Variants in AKAP6 observed in about 807,000 individuals in gnomAD.
The protein encoded by AKAP6 is A-kinase anchor protein 6.
Under a neutral mutation model 188.5 loss-of-function variants are expected in AKAP6, and 58 were observed. The ratio of observed to expected loss-of-function variants is 0.31; its 90% CI spans 0.25 to 0.38. The LOEUF (loss-of-function observed/expected upper bound fraction) is 0.38, where lower values mean the gene tolerates loss of function less well. AKAP6 is among the 10% of genes least tolerant of loss of function. AKAP6 has a pLI of 1.00. For synonymous variants in AKAP6, 989 were observed against 998.6 expected (o/e 0.99, Z 0.18); for missense variants, 2,710 against 2,740.0 (o/e 0.99, Z 0.24).
intron 9 of AKAP6, among the ~76,000 whole-genome samples, chr14:32,700,717 T>A (rs1890587456): frequency 6.6e-6 from 1 of 152,190 alleles, no homozygotes; most frequent in Admixed American, 6.5e-5. Flanking sequence ...CCAAGATGTG[T>A]AATAGTCTCT....
intron 1 of AKAP6, among the ~76,000 whole-genome samples, chr14:32,340,239 T>C (rs1033497651): frequency 5.9e-5 from 9 of 152,042 alleles, no homozygotes; most frequent in African/African-American, 2.2e-4. Context: ...ATAAAACATA[T>C]TTAATATACT....
At chr14:32,645,438 A>G (rs1270204698) in intron 7 of AKAP6, among the ~76,000 whole-genome samples, 1 of 152,080 alleles carries the variant, frequency 6.6e-6, no homozygotes, top group Non-Finnish European at 1.5e-5. Flanking sequence ...TTATGTTTCT[A>G]TTTTTTAAAT....
chr14:32,353,377 C>A (rs186266181), intron 1 of AKAP6, among the ~76,000 whole-genome samples: 1 of 152,052 alleles, frequency 6.6e-6, no homozygotes, highest in Non-Finnish European at 1.5e-5. Flanking sequence ...CTGGCTAACA[C>A]GGTGAAACCC....
At chr14:32,387,853 T>C (rs1221434969) in intron 1 of AKAP6, among the ~76,000 whole-genome samples, 2 of 151,760 alleles carry the variant, frequency 1.3e-5, no homozygotes, top group Non-Finnish European at 2.9e-5. Context: ...AGGGTGATAC[T>C]GGCTTCATAG....
At chr14:32,686,731 G>A (rs1889941042) in intron 8 of AKAP6, among the ~76,000 whole-genome samples, 2 of 152,204 alleles carry the variant, frequency 1.3e-5, no homozygotes, top group South Asian at 4.1e-4. Context: ...GTTTGATGCT[G>A]TTGAAGCAGA....
intron 2 of AKAP6, among the ~76,000 whole-genome samples, chr14:32,523,194 G>T (rs1881941560): frequency 6.6e-6 from 1 of 151,942 alleles, no homozygotes; most frequent in Non-Finnish European, 1.5e-5. Flanking sequence ...GGGGAAGGGG[G>T]GGAGGGATAA....
At chr14:32,686,068 A>G (rs1338264201) in intron 8 of AKAP6, among the ~76,000 whole-genome samples, 2 of 152,260 alleles carry the variant, frequency 1.3e-5, no homozygotes, top group Non-Finnish European at 2.9e-5. Context: ...ATGTATAAAG[A>G]AAATATAGCA....
At chr14:32,660,924 A>G (rs909097092) in intron 7 of AKAP6, among the ~76,000 whole-genome samples, 1 of 41,066 alleles carries the variant, frequency 2.4e-5, no homozygotes, top group Non-Finnish European at 4.3e-5. Context: ...CTTCCCCGCC[A>G]CCCCCCCCCC....
rs1391856573 is a variant in AKAP6 at position 32,837,285 on chromosome 14, A to G, written c.*7480A>G. On this transcript the variant is annotated 3_prime_UTR_variant, in exon 14 of 14. Transcript: ENST00000280979. ...GAAACAATCCTGAAATTATTAAAAC[A>G]TTTCTTTGTCCTTACTTAAACCTAA... 1 of 152,258 alleles carries G rather than the reference A, an allele frequency of 6.6e-6. No homozygotes were observed. Among genetic ancestry groups the G allele is most frequent in the Non-Finnish European group, 1.5e-5 (1 of 68,040 alleles). The allele number at this position is 152,258 out of a possible 1,614,324, so 9.4% of individuals were successfully genotyped here.
intron 4 of AKAP6, among the ~76,000 whole-genome samples, chr14:32,547,608 C>G (rs1339249326): frequency 6.6e-6 from 1 of 152,162 alleles, no homozygotes; most frequent in African/African-American, 2.4e-5. Flanking sequence ...GAACAAATTA[C>G]TAGATATGAC....
chr14:32,574,261 G>GGGT (rs1884625168), intron 4 of AKAP6, among the ~76,000 whole-genome samples: 1 of 152,154 alleles, frequency 6.6e-6, no homozygotes. Flanking sequence ...AAAGTTGTGA[G>GGGT]GGTGGGATAT....
chr14:32,629,268 T>A (rs1471032263), intron 7 of AKAP6, among the ~76,000 whole-genome samples: 3 of 152,072 alleles, frequency 2.0e-5, no homozygotes, highest in Non-Finnish European at 4.4e-5. Context: ...ATAATGGCCT[T>A]TTTTCCTTTG....
rs1566546752 is a variant in AKAP6 at position 32,510,440 on chromosome 14, ATATATATATACATATATATGTG to A, written c.325-25103_325-25082del. ...TATATATATACATATATATATGTGTATATATATATACATATATATGTGTATATATATATATACATATATATAT... is the reference window on the plus strand; with the variant it reads ...TATATATATACATATATATATGTGTATATATATATATATACATATATATAT... On this transcript the variant is annotated intron_variant, in intron 2 of 13. Coordinates refer to ENST00000280979, the MANE Select transcript of AKAP6 (RefSeq NM_004274.5). Among the ~76,000 whole-genome samples, 148 of 22,538 alleles carry A rather than the reference ATATATATATACATATATATGTG, an allele frequency of 6.6e-3. 6 individuals are homozygous for A. Among genetic ancestry groups the A allele is most frequent in the African/African-American group, 0.022 (140 of 6,230 alleles). 14.8% of individuals were successfully genotyped at this position (22,538 alleles called of 152,430 possible). A position where few individuals can be genotyped will look rare whatever the true frequency, so the allele number is the denominator to read the frequency against.
intron 1 of AKAP6, among the ~76,000 whole-genome samples, chr14:32,356,219 A>G (rs138791167): frequency 2.3e-4 from 35 of 152,330 alleles, no homozygotes; most frequent in African/African-American, 7.7e-4. Context: ...TTCTATCCAT[A>G]GAATCCTCAG....
At chr14:32,620,624 T>C (rs145799875) in intron 7 of AKAP6, among the ~76,000 whole-genome samples, 1 of 152,112 alleles carries the variant, frequency 6.6e-6, no homozygotes, top group Non-Finnish European at 1.5e-5. Context: ...TCTGTAGTTT[T>C]CTTTTTTTGT....
chr14:32,420,631 T>C (rs1329960734), intron 1 of AKAP6, among the ~76,000 whole-genome samples: 1 of 152,174 alleles, frequency 6.6e-6, no homozygotes, highest in Non-Finnish European at 1.5e-5. Context: ...ACTAGTTGGG[T>C]AAATCTCTTC....
intron 1 of AKAP6, among the ~76,000 whole-genome samples, chr14:32,412,338 C>G (rs1047215799): frequency 6.6e-6 from 1 of 152,108 alleles, no homozygotes; most frequent in African/African-American, 2.4e-5. Flanking sequence ...GAGTGAGACA[C>G]CATGTAGGAT....
chr14:32,577,508 G>C (rs941173142), intron 5 of AKAP6, among the ~76,000 whole-genome samples: 5 of 151,952 alleles, frequency 3.3e-5, no homozygotes, highest in Non-Finnish European at 7.4e-5. Context: ...AATTTTATTA[G>C]ACCCTTGTTC....
At chr14:32,360,112 G>T (rs1887609131) in intron 1 of AKAP6, among the ~76,000 whole-genome samples, 1 of 147,406 alleles carries the variant, frequency 6.8e-6, no homozygotes, top group Non-Finnish European at 1.5e-5. Context: ...AGGATATGCA[G>T]TTATCCTCTT....
Sources: allele counts gnomAD v4.1 joint callset (sites outside exome capture counted in the v4.1 genomes callset), GRCh38; gene constraint gnomAD v4.1.1; transcripts MANE v1.5; gene names NCBI Gene and HGNC (gene_info 2026-07-23, HGNC 2026-07-21).